Variants in PRMT8 observed in about 807,000 individuals in gnomAD.
PRMT8 encodes the protein protein arginine methyltransferase 8.
A neutral mutation model predicts 47.1 loss-of-function variants in PRMT8; 7 were observed. The observed-to-expected ratio is 0.15, with a 90% CI of 0.08 to 0.28. The LOEUF is 0.28. Ranked by LOEUF, PRMT8 falls within the 10% of genes least tolerant of loss-of-function variation. PRMT8 has a pLI of 1.00. For synonymous variants in PRMT8, 188 were observed against 186.5 expected, an observed-to-expected ratio of 1.01 and a Z score of -0.07; for missense variants, 237 against 505.4, an observed-to-expected ratio of 0.47 and a Z score of 5.09.
intron 1 of PRMT8, among the ~76,000 whole-genome samples, chr12:3,408,855 G>C (rs1005631017): frequency 6.6e-6 from 1 of 152,214 alleles, no homozygotes; most frequent in Non-Finnish European, 1.5e-5. Context: ...AGGGATGATT[G>C]TGAGTGCCTC....
intron 1 of PRMT8, among the ~76,000 whole-genome samples, chr12:3,419,554 C>T (rs952159955): frequency 6.6e-6 from 1 of 152,126 alleles, no homozygotes; most frequent in African/African-American, 2.4e-5. Flanking sequence ...CGCCACCCAC[C>T]CCTTGCCTAA....
At chr12:3,461,075 A>T (rs1286735417) in intron 1 of PRMT8, among the ~76,000 whole-genome samples, 3 of 152,054 alleles carry the variant, frequency 2.0e-5, no homozygotes, top group Non-Finnish European at 4.4e-5. Flanking sequence ...GCTCATATAA[A>T]CACCCACTCA....
At chr12:3,423,030 A>G (rs552496100) in intron 1 of PRMT8, among the ~76,000 whole-genome samples, 1 of 152,336 alleles carries the variant, frequency 6.6e-6, no homozygotes, top group South Asian at 2.1e-4. Flanking sequence ...AGGGAGCAGT[A>G]AGCAGTTCTT....
chr12:3,421,976 G>A (rs949305365), intron 1 of PRMT8, among the ~76,000 whole-genome samples: 2 of 152,162 alleles, frequency 1.3e-5, no homozygotes, highest in African/African-American at 4.8e-5. Flanking sequence ...CCCCTCCTCA[G>A]TGCACTCCCA....
At chr12:3,429,765 G>A (rs1005317373) in intron 1 of PRMT8, among the ~76,000 whole-genome samples, 4 of 152,250 alleles carry the variant, frequency 2.6e-5, no homozygotes, top group Admixed American at 2.0e-4. Flanking sequence ...CAGCCACTGT[G>A]TTGATCTTCC....
At chr12:3,575,447 C>T (rs545950570) in intron 6 of PRMT8, among the ~76,000 whole-genome samples, 1 of 152,328 alleles carries the variant, frequency 6.6e-6, no homozygotes, top group South Asian at 2.1e-4. Flanking sequence ...AAAGAGTCTG[C>T]TAAAGCTGTC....
At chr12:3,516,342 CGTTT>C (rs1468391450) in intron 1 of PRMT8, among the ~76,000 whole-genome samples, 12 of 152,088 alleles carry the variant, frequency 7.9e-5, no homozygotes, top group Admixed American at 1.3e-4. Context: ...TTCATTCATT[CGTTT>C]GTTCATTTAC....
At chr12:3,420,031 CAGACAGAG>C (rs1322572137) in intron 1 of PRMT8, among the ~76,000 whole-genome samples, 9 of 40,410 alleles carry the variant, frequency 2.2e-4, no homozygotes, top group African/African-American at 2.6e-4. Flanking sequence ...GAGAGAGAGA[CAGACAGAG>C]AGAGAGAGAG....
Position 3,557,652 on chromosome 12 carries a change from C to T in PRMT8, c.481+3938C>T, listed in dbSNP as rs142120303. ...TTCTTTCTCTGGGAGGGTGACACAG[C>T]CTGGCCTCCTTCTCCCCAACCTGTG... On this transcript the variant is annotated intron_variant, in intron 4 of 9. Coordinates refer to ENST00000382622, the MANE Select transcript of PRMT8 (RefSeq NM_019854.5). This position sits in a 1 kb window ranked among gnomAD's most constrained non-coding sequence, Gnocchi z 4.7. Among the ~76,000 whole-genome samples the T allele has an allele frequency of 8.5e-4, 129 of 152,298 alleles. 4 individuals carry two copies. In the East Asian group the frequency reaches 0.021, roughly 24 times the overall value.
chr12:3,529,045 A>G (rs983269212), intron 1 of PRMT8, among the ~76,000 whole-genome samples: 2 of 152,136 alleles, frequency 1.3e-5, no homozygotes, highest in African/African-American at 4.8e-5. Context: ...GTTTTTTCAC[A>G]TCCATGGTTT....
intron 1 of PRMT8, among the ~76,000 whole-genome samples, chr12:3,496,212 A>AT (rs1444249290): frequency 8.2e-4 from 16 of 19,398 alleles, no homozygotes; most frequent in East Asian, 4.5e-3. Context: ...ATATATATAT[A>AT]TATTTTTTTT....
At position 3,593,273 on chromosome 12, in the gene PRMT8, A is replaced by G; in HGVS notation, c.*91A>G. On this transcript the variant is annotated 3_prime_UTR_variant, in exon 10 of 10. Transcript: ENST00000382622. This position sits in a 1 kb window ranked among gnomAD's most constrained non-coding sequence, Gnocchi z 4.8. ...CAAAGAATACCGTTTGCAGGACTAC[A>G]CACTTGAAAACCAGAGTTTTCAACT... is the stretch of plus-strand genomic sequence containing the variant. 2.7e-6 allele frequency: 3 copies of G among 1,091,160 alleles called. No individual in the cohort carries two copies. The highest frequency in any genetic ancestry group is 4.0e-6 in the Non-Finnish European group (3 of 744,206). 67.6% of individuals were successfully genotyped at this position (1,091,160 alleles called of 1,614,324 possible).
Position 3,540,796 on chromosome 12 carries a change from A to G in PRMT8, c.261+5A>G. 1.2e-6 allele frequency: 2 copies of G among 1,612,346 alleles called. No homozygotes were observed. Among genetic ancestry groups the G allele is most frequent in the Non-Finnish European group, 1.7e-6 (2 of 1,178,978 alleles). On this transcript the variant is annotated splice_donor_5th_base_variant and intron_variant, in intron 2 of 9. Coordinates refer to ENST00000382622, the MANE Select transcript of PRMT8 (RefSeq NM_019854.5). Reference sequence around the variant, plus strand: ...GCCCACTTTGGGATCCACGAGGTAAAGTGTCCCGAGTGGGTGGCTAATGGG... The same window carrying G: ...GCCCACTTTGGGATCCACGAGGTAAGGTGTCCCGAGTGGGTGGCTAATGGG...
chr12:3,391,851 T>G, intron 1 of PRMT8, among the ~76,000 whole-genome samples: 1 of 152,128 alleles, frequency 6.6e-6, no homozygotes, highest in East Asian at 1.9e-4. Flanking sequence ...CCAACTGAAC[T>G]AGGGTGCAGA....
intron 1 of PRMT8, among the ~76,000 whole-genome samples, chr12:3,382,133 C>T (rs10459126): frequency 0.91 from 138,532 of 152,234 alleles, 63,836 homozygotes; most frequent in South Asian, 0.97. Context: ...CATTCACTCA[C>T]TGAAGAGCAT....
chr12:3,507,400 C>G (rs370764272), intron 1 of PRMT8, among the ~76,000 whole-genome samples: 1 of 152,166 alleles, frequency 6.6e-6, no homozygotes, highest in Non-Finnish European at 1.5e-5. Context: ...GGATTACAGG[C>G]GTGAACCACC....
intron 7 of PRMT8, 51 bp downstream of exon 7, chr12:3,577,037 GC>G: frequency 6.7e-7 from 1 of 1,501,976 alleles, no homozygotes; most frequent in Non-Finnish European, 9.3e-7. Context: ...GCCCCGCTGT[GC>G]CACCCTGGAG....
chr12:3,569,350 A>G lies in PRMT8; in HGVS notation c.625-127A>G. 15 of 804,984 alleles carry G rather than the reference A, an allele frequency of 1.9e-5. No homozygotes were observed. Among genetic ancestry groups the G allele is most frequent in the South Asian group, 1.7e-4 (12 of 69,210 alleles). The allele number at this position is 804,984 out of a possible 1,614,324, so 49.9% of individuals were successfully genotyped here. On this transcript the variant is annotated intron_variant, in intron 5 of 9. Coordinates refer to ENST00000382622, the MANE Select transcript of PRMT8 (RefSeq NM_019854.5). The surrounding 1 kb of genome is among the most constrained non-coding windows in gnomAD (Gnocchi z 8.2). ...CCTAGCCCTCACCCCAGACAAGGTGACAGTCCACTGCATGAGAGATGGTGG... is the reference window on the plus strand; with the variant it reads ...CCTAGCCCTCACCCCAGACAAGGTGGCAGTCCACTGCATGAGAGATGGTGG...
chr12:3,407,173 G>A (rs975989087), intron 1 of PRMT8, among the ~76,000 whole-genome samples: 27 of 152,190 alleles, frequency 1.8e-4, no homozygotes, highest in Middle Eastern at 3.4e-3. Context: ...GATCTCATGA[G>A]AACTCACTCA....
Sources: allele counts gnomAD v4.1 joint callset (sites outside exome capture counted in the v4.1 genomes callset), GRCh38; gene constraint gnomAD v4.1.1; non-coding constraint Gnocchi (gnomAD v3.1); transcripts MANE v1.5; gene names NCBI Gene and HGNC (gene_info 2026-07-23, HGNC 2026-07-21).